The following SPATA6L variants were observed in gnomAD, a reference collection of about 807,000 sequenced individuals.
SPATA6L encodes spermatogenesis associated 6 like, also known as spermatogenesis associated 6-like protein.
Under a neutral mutation model 49.2 loss-of-function variants are expected in SPATA6L, and 68 were observed. The ratio of observed to expected loss-of-function variants is 1.38; its 90% CI spans 1.14 to 1.69. The LOEUF (loss-of-function observed/expected upper bound fraction) is 1.69, where lower values mean the gene tolerates loss of function less well. Ranked by LOEUF, SPATA6L falls within the 40% of genes most tolerant of loss-of-function variation. The pLI is 0.00. For missense variants in SPATA6L, 668 were observed against 464.3 expected, an observed-to-expected ratio of 1.44 and a Z score of -4.03; for synonymous variants, 198 against 165.7, an observed-to-expected ratio of 1.19 and a Z score of -1.50.
chr9:4,662,463 G>C lies in SPATA6L; in HGVS notation c.40-427C>G. On this transcript the variant is annotated intron_variant, in intron 1 of 11. Transcript: ENST00000682582. The surrounding 1 kb of genome is among the most constrained non-coding windows in gnomAD (Gnocchi z 4.9). ...CAGCAGCCCCGGCAGCCCAGCCCATGGCGGCGGTGGCGGCGGCAGCAGGTT... is the reference window on the plus strand; with the variant it reads ...CAGCAGCCCCGGCAGCCCAGCCCATCGCGGCGGTGGCGGCGGCAGCAGGTT... 1 of 1,546,078 alleles carries C rather than the reference G, an allele frequency of 6.5e-7. No homozygotes were observed. The highest frequency in any genetic ancestry group is 8.7e-7 in the Non-Finnish European group (1 of 1,155,278).
intron 3 of SPATA6L, among the ~76,000 whole-genome samples, chr9:4,642,697 C>T (rs1476875377): frequency 6.6e-6 from 1 of 151,096 alleles, no homozygotes; most frequent in Admixed American, 6.6e-5. Context: ...CTCCCATGCT[C>T]TCTTAAGAAA....
At chr9:4,661,613 A>C (rs572517849) in intron 2 of SPATA6L, among the ~76,000 whole-genome samples, 1 of 152,262 alleles carries the variant, frequency 6.6e-6, no homozygotes, top group African/African-American at 2.4e-5. Context: ...TAACACCTCC[A>C]AAAACATTCA....
Position 4,604,127 on chromosome 9 carries a change from C to G in SPATA6L, c.*1+52G>C, listed in dbSNP as rs1256669154. ...TAGGAGGAAACTGAAATTCTTTTAG[C>G]AAACCAAGATAAGGAGAAGCACTTA... On this transcript the variant is annotated intron_variant, in intron 11 of 11. Transcript: ENST00000682582. The G allele has an allele frequency of 8.7e-6, 11 of 1,259,932 alleles. No individual in the cohort carries two copies. The East Asian group carries it at 1.2e-4, about 14-fold the overall frequency. The allele number at this position is 1,259,932 out of a possible 1,614,324, so 78.0% of individuals were successfully genotyped here. A position where few individuals can be genotyped will look rare whatever the true frequency, so the allele number is the denominator to read the frequency against.
intron 3 of SPATA6L, 71 bp downstream of exon 3, chr9:4,655,970 G>C: frequency 1.7e-6 from 2 of 1,155,016 alleles, no homozygotes; most frequent in Non-Finnish European, 2.5e-6. Flanking sequence ...TTAGAAAAGA[G>C]CAGAGTTTTG....
intron 9 of SPATA6L, 121 bp downstream of exon 9, chr9:4,617,802 T>C (rs184197957): frequency 4.0e-5 from 30 of 758,740 alleles, no homozygotes. Flanking sequence ...AATCATTTTT[T>C]CATATCAAGG....
At position 4,605,346 on chromosome 9, in the gene SPATA6L, C is replaced by T. The variant is rs190723759; in HGVS notation, c.1089+1G>A. The T allele has an allele frequency of 1.9e-6, 3 of 1,612,180 alleles. No homozygotes were observed. Among genetic ancestry groups the T allele is most frequent in the Non-Finnish European group, 2.5e-6 (3 of 1,178,322 alleles). ...GATCTAGTTTTATAAGAAAGTCTAA[C>T]CTTGTTTTGGTGCAGCTGTGCTCTG... On this transcript the variant is annotated splice_donor_variant, in intron 10 of 11. Coordinates refer to ENST00000682582, the MANE Select transcript of SPATA6L (RefSeq NM_001353486.2). LOFTEE classifies it high-confidence loss of function.
chr9:4,630,909 C>A (rs1433503491), intron 4 of SPATA6L, among the ~76,000 whole-genome samples: 1 of 152,192 alleles, frequency 6.6e-6, no homozygotes, highest in East Asian at 1.9e-4. Context: ...ATTAACCTAA[C>A]CAAAGTCTCA....
chr9:4,603,923 G>A (rs1192669691), intron 11 of SPATA6L, among the ~76,000 whole-genome samples: 2 of 152,166 alleles, frequency 1.3e-5, no homozygotes, highest in Non-Finnish European at 1.5e-5. Flanking sequence ...GCTGAAAGAA[G>A]GCCGGAAAGT....
intron 4 of SPATA6L, 40 bp downstream of exon 4, chr9:4,635,235 T>C (rs1832549032): frequency 6.8e-7 from 1 of 1,472,308 alleles, no homozygotes; most frequent in Non-Finnish European, 8.9e-7. Flanking sequence ...CCCAAGAGTT[T>C]CTCTCCTAAT....
Position 4,625,446 on chromosome 9 carries a change from C to A in SPATA6L, c.550G>T (p.Ala184Ser). ...NLNRLPKGMQ[A>S]RAPSQYSTRH... is the part of the protein sequence containing the mutation. Reference sequence around the variant, plus strand: ...GTAGAATATTGAGAGGGCGCCCGGGCTTGCATGCCTTTGGGCAGTCTGTTG... The same window carrying A: ...GTAGAATATTGAGAGGGCGCCCGGGATTGCATGCCTTTGGGCAGTCTGTTG... Residue 184 changes from alanine to serine, a missense_variant, in exon 6 of 12, where the codon GCC becomes TCC. Transcript: ENST00000682582. 6.2e-7 allele frequency: 1 copy of A among 1,614,100 alleles called. No homozygotes were observed. Among genetic ancestry groups the A allele is most frequent in the South Asian group, 1.1e-5 (1 of 91,080 alleles).
chr9:4,644,390 CA>C (rs1372065375), intron 3 of SPATA6L, among the ~76,000 whole-genome samples: 1 of 150,850 alleles, frequency 6.6e-6, no homozygotes, highest in East Asian at 1.9e-4. Context: ...ATTTAAACAA[CA>C]ATATAATGGT....
At chr9:4,592,866 C>G (rs1348275607) in intron 13 of SPATA6L, among the ~76,000 whole-genome samples, 1 of 152,166 alleles carries the variant, frequency 6.6e-6, no homozygotes, top group African/African-American at 2.4e-5. Context: ...GATGGTTTCA[C>G]AACTCACCAA....
At chr9:4,640,977 G>T (rs1314189768) in intron 3 of SPATA6L, among the ~76,000 whole-genome samples, 1 of 151,972 alleles carries the variant, frequency 6.6e-6, no homozygotes, top group Non-Finnish European at 1.5e-5. Flanking sequence ...TGGGCTTCTT[G>T]TCACATGAAA....
intron 7 of SPATA6L, among the ~76,000 whole-genome samples, chr9:4,619,405 G>A (rs1828770573): frequency 6.6e-6 from 1 of 151,954 alleles, no homozygotes; most frequent in Non-Finnish European, 1.5e-5. Flanking sequence ...TGACCCACCC[G>A]CCTCAGCCTC....
chr9:4,619,031 C>G, intron 7 of SPATA6L, 133 bp from the exon 8 acceptor site: 3 of 748,806 alleles, frequency 4.0e-6, no homozygotes, highest in Non-Finnish European at 4.4e-6. Flanking sequence ...TAAATGCTCC[C>G]TTGTAAGTTA....
At chr9:4,640,254 C>T (rs865975188) in intron 3 of SPATA6L, among the ~76,000 whole-genome samples, 2 of 152,168 alleles carry the variant, frequency 1.3e-5, no homozygotes, top group Non-Finnish European at 2.9e-5. Flanking sequence ...TTTTTCCCAC[C>T]TTTGTAAACT....
chr9:4,619,470 G>A (rs1828788079), intron 7 of SPATA6L, among the ~76,000 whole-genome samples: 1 of 152,098 alleles, frequency 6.6e-6, no homozygotes, highest in South Asian at 2.1e-4. Flanking sequence ...TTCAATGACA[G>A]CACATGTGGA....
intron 3 of SPATA6L, chr9:4,646,313 G>C: frequency 2.5e-6 from 1 of 403,992 alleles, no homozygotes; most frequent in African/African-American, 2.1e-5. Flanking sequence ...TCTGAAAATA[G>C]ACAAAATTTA....
intron 6 of SPATA6L, among the ~76,000 whole-genome samples, chr9:4,623,889 A>T (rs1829854781): frequency 6.6e-6 from 1 of 152,266 alleles, no homozygotes; most frequent in Non-Finnish European, 1.5e-5. Flanking sequence ...ACATGTTTAA[A>T]GATTGGTTGT....
Sources: allele counts gnomAD v4.1 joint callset (sites outside exome capture counted in the v4.1 genomes callset), GRCh38; gene constraint gnomAD v4.1.1; non-coding constraint Gnocchi (gnomAD v3.1); transcripts MANE v1.5; gene names NCBI Gene and HGNC (gene_info 2026-07-23, HGNC 2026-07-21).